Variants in PNPLA7 observed in about 807,000 individuals in gnomAD.
PNPLA7 encodes the protein patatin-like phospholipase domain-containing protein 7.
In PNPLA7, 153 loss-of-function variants were observed where a neutral mutation model predicts 161.7. The ratio of observed to expected loss-of-function variants is 0.95; its 90% CI spans 0.83 to 1.08. The LOEUF (loss-of-function observed/expected upper bound fraction) is 1.08, where lower values mean the gene tolerates loss of function less well. PNPLA7 is among the 50% of genes least tolerant of loss of function. The pLI is 0.00. For missense variants in PNPLA7, 1,739 were observed against 1,856.6 expected, an observed-to-expected ratio of 0.94 and a Z score of 1.16; for synonymous variants, 809 against 782.1, an observed-to-expected ratio of 1.03 and a Z score of -0.57.
At chr9:137,494,225 C>T (rs1832917433) in intron 19 of PNPLA7, among the ~76,000 whole-genome samples, 2 of 152,142 alleles carry the variant, frequency 1.3e-5, no homozygotes, top group Non-Finnish European at 2.9e-5. Context: ...GCGCTCTCCT[C>T]ACCGCTGACC....
Position 137,521,774 on chromosome 9 carries a change from C to T in PNPLA7, c.877-58G>A, listed in dbSNP as rs867279801. ...CGGCCTGGGGTACAGGGCGGGCCCCCGGCAGCACCACACAGAGCACTGAGA... is the reference window on the plus strand; with the variant it reads ...CGGCCTGGGGTACAGGGCGGGCCCCTGGCAGCACCACACAGAGCACTGAGA... On this transcript the variant is annotated intron_variant, in intron 9 of 34. Transcript: ENST00000406427. The T allele has an allele frequency of 4.0e-5, 59 of 1,472,950 alleles. No homozygotes were observed. In the Middle Eastern group the frequency reaches 5.2e-4, roughly 13 times the overall value. 91.2% of individuals were successfully genotyped at this position (1,472,950 alleles called of 1,614,324 possible). A position where few individuals can be genotyped will look rare whatever the true frequency, so the allele number is the denominator to read the frequency against.
In PNPLA7 at chr9:137,497,314, C is replaced by T. The variant is rs778929831; in HGVS notation, c.1890-4G>A. On this transcript the variant is annotated splice_polypyrimidine_tract_variant and splice_region_variant and intron_variant, in intron 17 of 34. Coordinates refer to ENST00000406427, the MANE Select transcript of PNPLA7 (RefSeq NM_001098537.3). Reference sequence around the variant, plus strand: ...GCAGTCGGACTTGTCCCCCTGCCTGCGGAAGACACAGAGGCCCTGCAGCCC... The same window carrying T: ...GCAGTCGGACTTGTCCCCCTGCCTGTGGAAGACACAGAGGCCCTGCAGCCC... 5.8e-6 allele frequency: 9 copies of T among 1,560,600 alleles called. No individual in the cohort carries two copies. Among genetic ancestry groups the T allele is most frequent in the Non-Finnish European group, 6.9e-6 (8 of 1,153,306 alleles).
chr9:137,497,330 C>G lies in PNPLA7; in HGVS notation c.1890-20G>C. The G allele has an allele frequency of 1.3e-6, 2 of 1,522,894 alleles. No homozygotes were observed. The highest frequency in any genetic ancestry group is 1.8e-6 in the Non-Finnish European group (2 of 1,130,852). 94.3% of individuals were successfully genotyped at this position (1,522,894 alleles called of 1,614,324 possible). A position where few individuals can be genotyped will look rare whatever the true frequency, so the allele number is the denominator to read the frequency against. On this transcript the variant is annotated intron_variant, in intron 17 of 34. Transcript: ENST00000406427. ...CCCTGCCTGCGGAAGACACAGAGGC[C>G]CTGCAGCCCTGGGCCCCCAGCCTCA...
At chr9:137,488,387 A>C (rs973162642) in intron 20 of PNPLA7, among the ~76,000 whole-genome samples, 1 of 152,202 alleles carries the variant, frequency 6.6e-6, no homozygotes, top group Non-Finnish European at 1.5e-5. Context: ...TGCTAGTTCC[A>C]TATGGCCTTA....
intron 20 of PNPLA7, 92 bp from the exon 21 acceptor site, chr9:137,484,828 C>T: frequency 7.0e-7 from 1 of 1,433,454 alleles, no homozygotes; most frequent in South Asian, 1.4e-5. Context: ...TGCACAGGAG[C>T]AACGCAGCAG....
At chr9:137,513,310 G>C (rs1399178143) in intron 12 of PNPLA7, among the ~76,000 whole-genome samples, 6 of 152,010 alleles carry the variant, frequency 3.9e-5, no homozygotes, top group Non-Finnish European at 7.4e-5. Flanking sequence ...GGCCAACATG[G>C]GGAAACCCCG....
rs1306876286 is a variant in PNPLA7 at position 137,490,897 on chromosome 9, G to C, written c.2197+2116C>G. 6.6e-6 allele frequency among the ~76,000 whole-genome samples: 1 copy of C among 152,216 alleles called. No homozygotes were observed. The highest frequency in any genetic ancestry group is 1.9e-4 in the East Asian group (1 of 5,204). ...GTTAAGACAACCACATCATAAAGGG[G>C]GAAGGATGAAGTGACTGAACAATGG... On this transcript the variant is annotated intron_variant, in intron 20 of 34. Transcript: ENST00000406427. This position sits in a 1 kb window ranked among gnomAD's most constrained non-coding sequence, Gnocchi z 4.1.
intron 28 of PNPLA7, 50 bp from the exon 29 acceptor site, chr9:137,463,581 G>T: frequency 7.1e-7 from 1 of 1,407,102 alleles, no homozygotes; most frequent in Non-Finnish European, 9.8e-7. Context: ...GCTCCTCCTG[G>T]GTCCAGGGTT....
At chr9:137,478,750 C>T (rs536973972) in intron 24 of PNPLA7, 19 of 321,178 alleles carry the variant, frequency 5.9e-5, no homozygotes, top group Middle Eastern at 9.4e-4. Context: ...GCCCCCCTGA[C>T]GTCAGGCCCA....
At chr9:137,473,439 T>A (rs1253457126) in intron 25 of PNPLA7, among the ~76,000 whole-genome samples, 1 of 152,126 alleles carries the variant, frequency 6.6e-6, no homozygotes, top group East Asian at 1.9e-4. Flanking sequence ...AACACTGGAA[T>A]TAATAACCAT....
Position 137,523,775 on chromosome 9 carries a change from C to A in PNPLA7, c.748-918G>T, listed in dbSNP as rs567981978. 6.6e-6 allele frequency among the ~76,000 whole-genome samples: 1 copy of A among 152,110 alleles called. No individual in the cohort carries two copies. The highest frequency in any genetic ancestry group is 2.4e-5 in the African/African-American group (1 of 41,414). ...CACAGTAGCTGGGGCTACAAGCGCC[C>A]GCCACCACGCCCGGCTAATTTGTTT... On this transcript the variant is annotated intron_variant, in intron 8 of 34. Transcript: ENST00000406427. The surrounding 1 kb of genome is among the most constrained non-coding windows in gnomAD (Gnocchi z 4.4).
chr9:137,477,136 G>A (rs1831975405), intron 25 of PNPLA7, among the ~76,000 whole-genome samples: 1 of 152,240 alleles, frequency 6.6e-6, no homozygotes, highest in Admixed American at 6.5e-5. Context: ...TTTGGGGGCA[G>A]CGGTAGGAGG....
In PNPLA7 at chr9:137,505,187, C is replaced by CAAAAAAA. The variant is rs1030910942; in HGVS notation, c.1473+420_1473+426dup. On this transcript the variant is annotated intron_variant, in intron 14 of 34. Transcript: ENST00000406427. ...TGGGCGATACTGCGAGACTCTGTCT[C>CAAAAAAA]AAAAAAAAAAAAAAAAAAAAAAGCT... is the stretch of plus-strand genomic sequence containing the variant. 6.7e-4 allele frequency among the ~76,000 whole-genome samples: 38 copies of CAAAAAAA among 57,030 alleles called. 3 individuals carry two copies. Among genetic ancestry groups the CAAAAAAA allele is most frequent in the Non-Finnish European group, 1.0e-3 (35 of 33,948 alleles). The allele number at this position is 57,030 out of a possible 152,430, so 37.4% of individuals were successfully genotyped here.
At chr9:137,479,738 C>T (rs554774890) in intron 23 of PNPLA7, 127 of 985,282 alleles carry the variant, frequency 1.3e-4, no homozygotes, top group Non-Finnish European at 1.5e-4. Context: ...GCCATGAGCC[C>T]GAGGCCTCGC....
intron 8 of PNPLA7, among the ~76,000 whole-genome samples, chr9:137,532,534 G>A (rs1446541826): frequency 1.3e-5 from 2 of 152,178 alleles, no homozygotes; most frequent in Non-Finnish European, 2.9e-5. Context: ...AACCTCCAAG[G>A]ATAAAGACAA....
chr9:137,500,493 C>T lies in PNPLA7; in HGVS notation c.1757+198G>A, dbSNP rs554637366. On this transcript the variant is annotated intron_variant, in intron 16 of 34. Coordinates refer to ENST00000406427, the MANE Select transcript of PNPLA7 (RefSeq NM_001098537.3). This position sits in a 1 kb window ranked among gnomAD's most constrained non-coding sequence, Gnocchi z 5.5. ...GACGGCCGTGCGAAGCTGATCGCTG[C>T]GGGCAGGTGGGGTCGGCTGACTGAG... Among the ~76,000 whole-genome samples the T allele has an allele frequency of 1.1e-3, 174 of 152,216 alleles. 2 individuals are homozygous for T. The highest frequency in any genetic ancestry group is 0.01 in the Middle Eastern group (3 of 294).
Position 137,543,598 on chromosome 9 carries a change from T to G in PNPLA7, c.366-26A>C. The G allele has an allele frequency of 6.2e-7, 1 of 1,607,788 alleles. No individual in the cohort carries two copies. The stretch of plus-strand genomic sequence containing the variant: ...CTACAAGGCAGAGACACACTAGCCT[T>G]GAGCAGACCAGGCGGGTTCGAAACC... On this transcript the variant is annotated intron_variant, in intron 5 of 34. Coordinates refer to ENST00000406427, the MANE Select transcript of PNPLA7 (RefSeq NM_001098537.3). This position sits in a 1 kb window ranked among gnomAD's most constrained non-coding sequence, Gnocchi z 6.9.
At chr9:137,471,097 A>AC (rs1831681676) in intron 25 of PNPLA7, among the ~76,000 whole-genome samples, 2 of 152,238 alleles carry the variant, frequency 1.3e-5, no homozygotes, top group African/African-American at 4.8e-5. Context: ...AAGAAACAGA[A>AC]AGAACGTACA....
chr9:137,483,688 C>G (rs1253378638), intron 21 of PNPLA7, among the ~76,000 whole-genome samples: 2 of 152,020 alleles, frequency 1.3e-5, no homozygotes, highest in Admixed American at 6.6e-5. Context: ...AACTCCTGAC[C>G]TCAAGTGATC....
Sources: allele counts gnomAD v4.1 joint callset (sites outside exome capture counted in the v4.1 genomes callset), GRCh38; gene constraint gnomAD v4.1.1; non-coding constraint Gnocchi (gnomAD v3.1); transcripts MANE v1.5; gene names NCBI Gene and HGNC (gene_info 2026-07-23, HGNC 2026-07-21).